ABCA13: variants seen among roughly 807,000 people sequenced by gnomAD.
ABCA13 encodes ATP binding cassette subfamily A member 13, also known as ATP-binding cassette sub-family A member 13.
In ABCA13, 476 loss-of-function variants were observed where a neutral mutation model predicts 478.7. The ratio of observed to expected loss-of-function variants is 0.99; its 90% CI spans 0.92 to 1.07. ABCA13 has a LOEUF of 1.07. Among genes scored for constraint, ABCA13 ranks in the 50% least tolerant of loss-of-function variants. ABCA13 has a pLI of 0.00. For missense variants in ABCA13, 6,060 were observed against 5,910.6 expected, an observed-to-expected ratio of 1.03 and a Z score of -0.83; for synonymous variants, 2,252 against 2,158.9, an observed-to-expected ratio of 1.04 and a Z score of -1.20.
At chr7:48,539,316 C>CTT (rs71552485) in intron 55 of ABCA13, among the ~76,000 whole-genome samples, 1 of 145,296 alleles carries the variant, frequency 6.9e-6, no homozygotes, top group African/African-American at 2.5e-5. Flanking sequence ...GGTCTTTAGT[C>CTT]TTTTTTTTTT....
chr7:48,613,731 T>A (rs9649742), intron 58 of ABCA13, among the ~76,000 whole-genome samples: 103,913 of 149,810 alleles, frequency 0.69, 37,355 homozygotes, highest in African/African-American at 0.78. Context: ...CTCTTTCATT[T>A]TTTTTCTTCC....
chr7:48,381,002 T>G (rs1019732824), intron 35 of ABCA13, among the ~76,000 whole-genome samples: 2 of 152,126 alleles, frequency 1.3e-5, no homozygotes, highest in African/African-American at 4.8e-5. Flanking sequence ...AGTAGTTAAT[T>G]AGAAATGTAC....
At position 48,274,330 on chromosome 7, in the gene ABCA13, A is replaced by G. The variant is rs374880434; in HGVS notation, c.4664A>G (p.Gln1555Arg). ...LHLITLGKEF[Q>R]KLVKGIYFNI... ...TTAATAACACTGGGGAAGGAATTTCAGAAGCTTGTAAAAGGTATTTACTTT... is the reference window on the plus strand; with the variant it reads ...TTAATAACACTGGGGAAGGAATTTCGGAAGCTTGTAAAAGGTATTTACTTT... The change falls in exon 17 of 62, where the codon CAG becomes CGG. Residue 1555 changes from glutamine to arginine, a missense_variant. Around this residue, in one of 3 missense-constraint regions of ABCA13, gnomAD observed 4,423 missense variants for 4,309.1 expected, o/e 1.03. Transcript: ENST00000435803. 3.4e-5 allele frequency: 55 copies of G among 1,613,472 alleles called. No homozygotes were observed. In the African/African-American group the frequency reaches 6.3e-4, roughly 18 times the overall value.
intron 3 of ABCA13, among the ~76,000 whole-genome samples, chr7:48,218,965 C>T (rs1024912922): frequency 2.6e-5 from 4 of 152,142 alleles, no homozygotes; most frequent in South Asian, 4.1e-4. Flanking sequence ...AAACATTCTC[C>T]GTAATTATCT....
At chr7:48,192,564 C>T (rs1407851756) in intron 1 of ABCA13, among the ~76,000 whole-genome samples, 1 of 151,970 alleles carries the variant, frequency 6.6e-6, no homozygotes, top group Admixed American at 6.6e-5. Context: ...TGGATGCTAC[C>T]ACCAAAGCCA....
intron 19 of ABCA13, among the ~76,000 whole-genome samples, chr7:48,282,966 T>A (rs1797251339): frequency 6.6e-6 from 1 of 152,242 alleles, no homozygotes; most frequent in Non-Finnish European, 1.5e-5. Context: ...AGCTCTTCTA[T>A]ACTTACGTCA....
intron 48 of ABCA13, among the ~76,000 whole-genome samples, chr7:48,492,471 C>A (rs751812451): frequency 6.6e-6 from 1 of 152,152 alleles, no homozygotes; most frequent in African/African-American, 2.4e-5. Context: ...CATATAATGA[C>A]AGATATTTCC....
chr7:48,474,190 C>G (rs962023405), intron 45 of ABCA13, among the ~76,000 whole-genome samples: 2 of 152,072 alleles, frequency 1.3e-5, no homozygotes, highest in Non-Finnish European at 2.9e-5. Flanking sequence ...TGGGGAAATA[C>G]CATACAAATG....
intron 38 of ABCA13, among the ~76,000 whole-genome samples, chr7:48,395,001 A>G (rs920656877): frequency 6.6e-6 from 1 of 152,162 alleles, no homozygotes; most frequent in Non-Finnish European, 1.5e-5. Context: ...ATGAGTAAGG[A>G]TGAACTGGGG....
At chr7:48,581,913 T>C (rs1260591949) in intron 56 of ABCA13, among the ~76,000 whole-genome samples, 3 of 152,366 alleles carry the variant, frequency 2.0e-5, no homozygotes, top group South Asian at 2.1e-4. Context: ...ATTTAAGTTA[T>C]AGAACAGGCA....
intron 42 of ABCA13, among the ~76,000 whole-genome samples, chr7:48,435,027 T>C (rs1180592609): frequency 1.3e-5 from 2 of 151,898 alleles, no homozygotes. Flanking sequence ...GATTAATATT[T>C]CTTTTTCTCC....
rs745796123 is a variant in ABCA13 at position 48,367,906 on chromosome 7, G to T, written c.10801G>T (p.Glu3601Ter). ...LVYEQEIQIEEYMRMMGVHPV... is the reference protein window; with the variant it reads ...LVYEQEIQIE ...GTATGAGCAGGAGATACAGATAGAAGAGGTAAATATCCTTAAACCTTGCCT... is the reference window on the plus strand; with the variant it reads ...GTATGAGCAGGAGATACAGATAGAATAGGTAAATATCCTTAAACCTTGCCT... The change falls in exon 32 of 62, where the codon GAG (glutamate) becomes TAG (stop). Residue 3601 changes from glutamate to a stop codon, truncating the protein, a stop_gained and splice_region_variant. Coordinates refer to ENST00000435803, the MANE Select transcript of ABCA13 (RefSeq NM_152701.5). LOFTEE classifies it high-confidence loss of function. 6.4e-7 allele frequency: 1 copy of T among 1,564,098 alleles called. No individual in the cohort carries two copies. The highest frequency in any genetic ancestry group is 2.4e-5 in the East Asian group (1 of 42,422).
In ABCA13 at chr7:48,389,148, T is replaced by C. The variant is rs1815650781; in HGVS notation, c.11582T>C (p.Leu3861Pro). The change falls in exon 37 of 62, where the codon CTC becomes CCC. Residue 3861 changes from leucine to proline, a missense_variant. Coordinates refer to ENST00000435803, the MANE Select transcript of ABCA13 (RefSeq NM_152701.5). ...YEGHKAVVQD[L>P]SLTFYRDQIT... The stretch of plus-strand genomic sequence containing the variant: ...GGCCACAAGGCTGTGGTCCAAGACC[T>C]CAGCCTGACCTTCTACAGAGACCAA... 3 of 1,613,816 alleles carry C rather than the reference T, an allele frequency of 1.9e-6. No homozygotes were observed. The highest frequency in any genetic ancestry group is 2.5e-6 in the Non-Finnish European group (3 of 1,179,872).
intron 55 of ABCA13, among the ~76,000 whole-genome samples, chr7:48,572,743 A>G (rs558719902): frequency 2.0e-5 from 3 of 152,268 alleles, no homozygotes; most frequent in Admixed American, 6.5e-5. Flanking sequence ...TTGTCAAGGA[A>G]TAATGGCCTC....
chr7:48,431,377 A>G (rs1334225246), intron 42 of ABCA13, among the ~76,000 whole-genome samples: 1 of 151,868 alleles, frequency 6.6e-6, no homozygotes, highest in Non-Finnish European at 1.5e-5. Flanking sequence ...AACAACAACA[A>G]CAACAACAAC....
chr7:48,480,255 A>T (rs1828620680), intron 45 of ABCA13, among the ~76,000 whole-genome samples: 1 of 152,102 alleles, frequency 6.6e-6, no homozygotes, highest in African/African-American at 2.4e-5. Context: ...GATGGATTTG[A>T]GACTTTCTCT....
intron 1 of ABCA13, among the ~76,000 whole-genome samples, chr7:48,172,746 C>T (rs2128841195): frequency 8.2e-6 from 1 of 122,546 alleles, no homozygotes; most frequent in East Asian, 2.6e-4. Context: ...TGCAGTGAGC[C>T]GAGATCGCGC....
At chr7:48,190,642 C>A (rs1040003750) in intron 1 of ABCA13, among the ~76,000 whole-genome samples, 8 of 152,022 alleles carry the variant, frequency 5.3e-5, no homozygotes, top group Admixed American at 3.9e-4. Context: ...TCACTGGCCC[C>A]AAATAGAAAA....
chr7:48,436,948 A>G (rs927270677), intron 42 of ABCA13, among the ~76,000 whole-genome samples: 3 of 151,818 alleles, frequency 2.0e-5, no homozygotes, highest in East Asian at 1.9e-4. Context: ...CATGTGATCT[A>G]TCCTTGAGAA....
Sources: allele counts gnomAD v4.1 joint callset (sites outside exome capture counted in the v4.1 genomes callset), GRCh38; gene constraint gnomAD v4.1.1; regional missense constraint gnomAD v4.1.1; transcripts MANE v1.5; gene names NCBI Gene and HGNC (gene_info 2026-07-23, HGNC 2026-07-21).